Variants in RCSD1 observed in about 807,000 individuals in gnomAD.
The protein encoded by RCSD1 is capZ-interacting protein.
In RCSD1, 26 loss-of-function variants were observed where a neutral mutation model predicts 42.5. The observed-to-expected ratio is 0.61, with a 90% confidence interval of 0.45 to 0.85. RCSD1 has a LOEUF of 0.85. Among genes scored for constraint, RCSD1 ranks in the 40% least tolerant of loss-of-function variants. The probability of loss-of-function intolerance (pLI) is 0.00; values close to 1 mark genes in which losing one functional copy is unlikely to be tolerated. For synonymous variants in RCSD1, 220 were observed against 212.2 expected, an observed-to-expected ratio of 1.04 and a Z score of -0.32; for missense variants, 571 against 528.3, an observed-to-expected ratio of 1.08 and a Z score of -0.79.
At chr1:167,686,203 T>C (rs775287688) in intron 3 of RCSD1, among the ~76,000 whole-genome samples, 1 of 152,184 alleles carries the variant, frequency 6.6e-6, no homozygotes, top group Non-Finnish European at 1.5e-5. Flanking sequence ...GTGGTCATAG[T>C]CTGTGCCAGA....
At chr1:167,651,903 G>GT (rs1220531076) in intron 1 of RCSD1, among the ~76,000 whole-genome samples, 1 of 151,842 alleles carries the variant, frequency 6.6e-6, no homozygotes, top group Non-Finnish European at 1.5e-5. Flanking sequence ...GGGTCCAGGT[G>GT]TTTTTTCTCA....
At chr1:167,693,946 G>A (rs1013807393) in intron 4 of RCSD1, among the ~76,000 whole-genome samples, 153 bp from the exon 5 acceptor site, 1 of 151,780 alleles carries the variant, frequency 6.6e-6, no homozygotes, top group Non-Finnish European at 1.5e-5. Flanking sequence ...AGCAGGCCAT[G>A]ATGGGACAGT....
At chr1:167,702,772 C>T (rs1279695880) in intron 6 of RCSD1, among the ~76,000 whole-genome samples, 1 of 151,974 alleles carries the variant, frequency 6.6e-6, no homozygotes. Flanking sequence ...GAGACTCCGT[C>T]TAAAAATAAA....
chr1:167,683,598 T>C (rs925288525), intron 1 of RCSD1, among the ~76,000 whole-genome samples: 3 of 152,146 alleles, frequency 2.0e-5, no homozygotes, highest in South Asian at 2.1e-4. Context: ...GGTGGGGTCC[T>C]TGAGGAATGA....
chr1:167,665,908 T>G (rs1658644874), intron 1 of RCSD1, among the ~76,000 whole-genome samples: 1 of 152,060 alleles, frequency 6.6e-6, no homozygotes, highest in Non-Finnish European at 1.5e-5. Context: ...GCCTCCCAGG[T>G]TCCAGAGATT....
chr1:167,662,847 G>A (rs1216407018), intron 1 of RCSD1, among the ~76,000 whole-genome samples: 9 of 152,140 alleles, frequency 5.9e-5, no homozygotes, highest in Admixed American at 2.6e-4. Flanking sequence ...AGTTTCTTGC[G>A]ATTCTGCCTG....
chr1:167,665,002 C>T (rs1658621438), intron 1 of RCSD1: 1 of 149,756 alleles, frequency 6.7e-6, no homozygotes. Context: ...CGTGCCACTG[C>T]ACTCCAGCGT....
At chr1:167,670,093 C>T (rs1658766289) in intron 1 of RCSD1, among the ~76,000 whole-genome samples, 1 of 152,000 alleles carries the variant, frequency 6.6e-6, no homozygotes, top group Non-Finnish European at 1.5e-5. Context: ...TGTAACATAC[C>T]CCAGGACTCC....
intron 6 of RCSD1, among the ~76,000 whole-genome samples, chr1:167,701,949 A>C (rs1191625541): frequency 1.3e-5 from 2 of 152,220 alleles, no homozygotes; most frequent in Admixed American, 1.3e-4. Context: ...CCCCAGAGGC[A>C]GCACACACCT....
At chr1:167,653,262 T>G (rs1658353044) in intron 1 of RCSD1, among the ~76,000 whole-genome samples, 1 of 152,244 alleles carries the variant, frequency 6.6e-6, no homozygotes, top group Non-Finnish European at 1.5e-5. Flanking sequence ...TTTAGTTGCT[T>G]TCTGGTGTTT....
At chr1:167,670,705 C>T (rs1416216334) in intron 1 of RCSD1, among the ~76,000 whole-genome samples, 2 of 152,164 alleles carry the variant, frequency 1.3e-5, no homozygotes, top group African/African-American at 4.8e-5. Context: ...TTTCTGAGCA[C>T]TCCTCCAGTC....
At position 167,700,698 on chromosome 1, in the gene RCSD1, A is replaced by G. The variant is rs549673869; in HGVS notation, c.1218+2856A>G. Among the ~76,000 whole-genome samples the G allele has an allele frequency of 2.6e-5, 4 of 152,116 alleles. No individual in the cohort carries two copies. In the South Asian group the frequency reaches 6.2e-4, roughly 24 times the overall value. Reference sequence around the variant, plus strand: ...AACAACAAAAAAACTTTCCATTCTAAGTAAGCAATCTTTACATTTAGGATT... The same window carrying G: ...AACAACAAAAAAACTTTCCATTCTAGGTAAGCAATCTTTACATTTAGGATT... On this transcript the variant is annotated intron_variant, in intron 6 of 6. Coordinates refer to ENST00000367854, the MANE Select transcript of RCSD1 (RefSeq NM_052862.4).
intron 6 of RCSD1, among the ~76,000 whole-genome samples, chr1:167,703,135 C>G (rs1232063759): frequency 6.6e-6 from 1 of 152,146 alleles, no homozygotes; most frequent in Non-Finnish European, 1.5e-5. Context: ...TCTTCTCCCT[C>G]CTGGTTAACT....
At chr1:167,661,578 C>T (rs1399033382) in intron 1 of RCSD1, among the ~76,000 whole-genome samples, 1 of 152,258 alleles carries the variant, frequency 6.6e-6, no homozygotes, top group Non-Finnish European at 1.5e-5. Context: ...AGCCACCTCT[C>T]CTGCAAAAGC....
intron 1 of RCSD1, among the ~76,000 whole-genome samples, chr1:167,659,201 G>GA (rs1424110464): frequency 1.3e-5 from 2 of 152,086 alleles, no homozygotes; most frequent in Non-Finnish European, 2.9e-5. Flanking sequence ...TTGGCGTTTT[G>GA]AATTTGCTTT....
chr1:167,697,672 C>T lies in RCSD1; in HGVS notation c.1048C>T (p.His350Tyr). Residue 350 changes from histidine (H) to tyrosine (Y), a missense_variant, in exon 6 of 7, where the codon CAC becomes TAC. His to Tyr is a moderately conservative substitution (Grantham distance 83). Coordinates refer to ENST00000367854, the MANE Select transcript of RCSD1 (RefSeq NM_052862.4). ...GGGAGCTGCAGTGAAGGAGACCCCC[C>T]ACAGTCCCCCTGGAGGAGTGAAGGG... ...EEGAAVKETP[H>Y]SPPGGVKGGD... 1 of 1,604,984 alleles carries T rather than the reference C, an allele frequency of 6.2e-7. No homozygotes were observed. Among genetic ancestry groups the T allele is most frequent in the South Asian group, 1.1e-5 (1 of 89,354 alleles).
Position 167,684,996 on chromosome 1 carries a change from CG to C in RCSD1, c.109-421del, listed in dbSNP as rs529415602. Among the ~76,000 whole-genome samples, 19 of 152,290 alleles carry C rather than the reference CG, an allele frequency of 1.2e-4. No individual in the cohort carries two copies. The East Asian group carries it at 3.7e-3, about 29-fold the overall frequency. On this transcript the variant is annotated intron_variant, in intron 2 of 6. Coordinates refer to ENST00000367854, the MANE Select transcript of RCSD1 (RefSeq NM_052862.4). ...CCTTGCATTTTTAGGTGCACTATTT[CG>C]GGGTTTTGTTTTCCCATCTGAAAGA...
intron 1 of RCSD1, among the ~76,000 whole-genome samples, chr1:167,653,411 G>T (rs573861711): frequency 2.4e-4 from 37 of 152,296 alleles, no homozygotes; most frequent in Non-Finnish European, 4.1e-4. Context: ...TAGAGTCCTG[G>T]GGGGAGAGTT....
intron 1 of RCSD1, among the ~76,000 whole-genome samples, chr1:167,681,158 T>C (rs1659073678): frequency 2.0e-5 from 3 of 152,260 alleles, no homozygotes; most frequent in Admixed American, 2.0e-4. Flanking sequence ...GAGATTTGTA[T>C]AGCACTTTAG....
Sources: allele counts gnomAD v4.1 joint callset (sites outside exome capture counted in the v4.1 genomes callset), GRCh38; gene constraint gnomAD v4.1.1; transcripts MANE v1.5; gene names NCBI Gene and HGNC (gene_info 2026-07-23, HGNC 2026-07-21).